The following TBL1X variants were observed in gnomAD, a reference collection of about 807,000 sequenced individuals.
TBL1X encodes the protein F-box-like/WD repeat-containing protein TBL1X.
TBL1X carries 10 observed loss-of-function variants against 50.7 expected under a neutral mutation model. That is an observed-to-expected ratio of 0.20 (90% CI 0.12 to 0.33). TBL1X has a LOEUF of 0.33. Ranked by LOEUF, TBL1X falls within the 10% of genes least tolerant of loss-of-function variation. The probability of loss-of-function intolerance (pLI) is 1.00; values close to 1 mark genes in which losing one functional copy is unlikely to be tolerated. For missense variants in TBL1X, 340 were observed against 504.4 expected, an observed-to-expected ratio of 0.67 and a Z score of 3.12; for synonymous variants, 190 against 214.7, an observed-to-expected ratio of 0.88 and a Z score of 1.01.
intron 2 of TBL1X, among the ~76,000 whole-genome samples, chrX:9,549,633 G>A (rs777870180): frequency 9.0e-6 from 1 of 111,632 alleles, no homozygotes; most frequent in African/African-American, 3.3e-5. Flanking sequence ...CATCCCAAGC[G>A]GTTGTAAAAG....
intron 2 of TBL1X, among the ~76,000 whole-genome samples, chrX:9,535,312 G>A (rs992400949): frequency 1.8e-5 from 2 of 112,522 alleles, no homozygotes; most frequent in African/African-American, 6.5e-5. Flanking sequence ...CGAAATCATC[G>A]TGCACAGATG....
intron 5 of TBL1X, among the ~76,000 whole-genome samples, chrX:9,671,471 A>G (rs759366304): frequency 8.8e-6 from 1 of 113,378 alleles, no homozygotes; most frequent in South Asian, 3.6e-4. Flanking sequence ...ACACCACTTC[A>G]GGCCCAGGCC....
chrX:9,639,708 A>G (rs1369318558), intron 2 of TBL1X: 2 of 111,429 alleles, frequency 1.8e-5, no homozygotes, highest in Non-Finnish European at 3.8e-5. Flanking sequence ...AGGAGAAAGG[A>G]TTCTGACCCG....
At chrX:9,618,976 T>TG (rs1481851263) in intron 2 of TBL1X, among the ~76,000 whole-genome samples, 1 of 111,459 alleles carries the variant, frequency 9.0e-6, no homozygotes, top group African/African-American at 3.3e-5. Context: ...TTCAAAGCAT[T>TG]GGGGGTGTTT....
intron 1 of TBL1X, among the ~76,000 whole-genome samples, chrX:9,487,132 C>T (rs1009996883): frequency 8.9e-6 from 1 of 111,811 alleles, no homozygotes; most frequent in African/African-American, 3.3e-5. Context: ...TTCTTCTTCT[C>T]TTTTTTAATG....
chrX:9,614,324 T>G (rs1196765949), intron 2 of TBL1X, among the ~76,000 whole-genome samples: 1 of 111,305 alleles, frequency 9.0e-6, no homozygotes, highest in East Asian at 2.8e-4. Context: ...TCTCAGCACT[T>G]TGGGAGGCTG....
intron 2 of TBL1X, among the ~76,000 whole-genome samples, chrX:9,594,523 A>G (rs1417363608): frequency 8.9e-6 from 1 of 112,094 alleles, no homozygotes; most frequent in Admixed American, 9.4e-5. Flanking sequence ...CTCATTCTTC[A>G]CAGAACTGTC....
At chrX:9,484,534 C>T (rs998721057) in intron 1 of TBL1X, among the ~76,000 whole-genome samples, 1 of 110,769 alleles carries the variant, frequency 9.0e-6, no homozygotes, top group Non-Finnish European at 1.9e-5. Context: ...TTTTGCCTGG[C>T]GTCTCTCCCT....
intron 2 of TBL1X, among the ~76,000 whole-genome samples, chrX:9,572,064 A>G (rs984383131): frequency 6.3e-5 from 7 of 111,970 alleles, no homozygotes; most frequent in African/African-American, 2.3e-4. Context: ...TACTATTTAG[A>G]TGCAGACAGT....
chrX:9,545,597 G>A, intron 2 of TBL1X, among the ~76,000 whole-genome samples: 1 of 109,186 alleles, frequency 9.2e-6, no homozygotes, highest in Non-Finnish European at 1.9e-5. Context: ...ATAGATTCAT[G>A]GATCGTTAAA....
intron 2 of TBL1X, among the ~76,000 whole-genome samples, chrX:9,624,631 G>A (rs781050484): frequency 1.8e-5 from 2 of 111,810 alleles, no homozygotes; most frequent in East Asian, 2.8e-4. Context: ...ATGGGGCATC[G>A]TGTTTTCTCT....
intron 16 of TBL1X, among the ~76,000 whole-genome samples, chrX:9,713,607 T>C (rs901473211): frequency 1.8e-5 from 2 of 108,871 alleles, no homozygotes; most frequent in Admixed American, 9.8e-5. Context: ...TTTGTATTTT[T>C]AGTACAAACG....
rs1440512183 is a variant in TBL1X at position 9,719,676 on chromosome X, T to C, written c.*3430T>C. ...CACCTTGTGTGTTGTAGCTCATTTG[T>C]TTCAAGAGAGAATCAACAGATCATA... On this transcript the variant is annotated 3_prime_UTR_variant, in exon 18 of 18. Transcript: ENST00000645353. 8.9e-6 allele frequency: 1 copy of C among 112,508 alleles called. No individual in the cohort carries two copies. The highest frequency in any genetic ancestry group is 1.9e-5 in the Non-Finnish European group (1 of 53,262). 9.3% of individuals were successfully genotyped at this position (112,508 alleles called of 1,213,427 possible).
chrX:9,570,516 T>C (rs1262762585), intron 2 of TBL1X, among the ~76,000 whole-genome samples: 1 of 111,677 alleles, frequency 9.0e-6, no homozygotes, highest in Admixed American at 9.5e-5. Flanking sequence ...ATTATGGTTA[T>C]AAAATGGCCT....
chrX:9,537,364 A>T (rs924482219), intron 2 of TBL1X, among the ~76,000 whole-genome samples: 2 of 108,632 alleles, frequency 1.8e-5, no homozygotes, highest in African/African-American at 6.7e-5. Context: ...AACCATTTCT[A>T]AGTACACTGT....
intron 3 of TBL1X, among the ~76,000 whole-genome samples, chrX:9,643,015 A>G (rs1278649026): frequency 5.3e-5 from 6 of 112,400 alleles, no homozygotes; most frequent in African/African-American, 1.9e-4. Context: ...CAGACTCTAA[A>G]TTGTGATTAC....
At chrX:9,527,886 C>T (rs1373021720) in intron 2 of TBL1X, among the ~76,000 whole-genome samples, 2 of 110,788 alleles carry the variant, frequency 1.8e-5, no homozygotes, top group Non-Finnish European at 3.8e-5. Context: ...ACAGCCTTAA[C>T]GATCCTCCCA....
chrX:9,654,956 C>A (rs1343199112), intron 5 of TBL1X, among the ~76,000 whole-genome samples: 1 of 110,721 alleles, frequency 9.0e-6, no homozygotes, highest in South Asian at 3.9e-4. Flanking sequence ...TAATTTAAGA[C>A]CTACAAAATG....
chrX:9,533,537 G>GA (rs1290310972), intron 2 of TBL1X, among the ~76,000 whole-genome samples: 7 of 111,728 alleles, frequency 6.3e-5, no homozygotes, highest in Admixed American at 1.9e-4. Flanking sequence ...CCATGAAAGA[G>GA]AAACTTAAAT....
Sources: allele counts gnomAD v4.1 joint callset (sites outside exome capture counted in the v4.1 genomes callset), GRCh38; gene constraint gnomAD v4.1.1; transcripts MANE v1.5; gene names NCBI Gene and HGNC (gene_info 2026-07-23, HGNC 2026-07-21).